SV2A: variants seen among roughly 807,000 people sequenced by gnomAD.
The protein encoded by SV2A is synaptic vesicle glycoprotein 2A, also known as solute carrier family 22 member B1.
SV2A carries 25 observed loss-of-function variants against 78.0 expected under a neutral mutation model. That is an observed-to-expected ratio of 0.32 (90% confidence interval 0.23 to 0.45). SV2A has a LOEUF of 0.45. SV2A is among the 20% of genes least tolerant of loss of function. SV2A has a pLI of 1.00. For missense variants in SV2A, 752 were observed against 971.5 expected (o/e 0.77, Z 3.00); for synonymous variants, 355 against 384.7 (o/e 0.92, Z 0.90).
intron 1 of SV2A, among the ~76,000 whole-genome samples, chr1:149,914,420 C>G (rs759717678): frequency 1.1e-4 from 17 of 152,270 alleles, no homozygotes; most frequent in Non-Finnish European, 1.9e-4. Context: ...GGAATTTGCT[C>G]CAAAGTCGCA....
intron 10 of SV2A, 92 bp downstream of exon 10, chr1:149,907,608 T>C: frequency 3.4e-6 from 5 of 1,472,676 alleles, no homozygotes; most frequent in Non-Finnish European, 4.5e-6. Context: ...GATCTCAGCT[T>C]GAGAACCCTA....
chr1:149,911,972 C>T lies in SV2A; in HGVS notation c.631G>A (p.Val211Ile), dbSNP rs1413573420. ...GCTCCCACCATCATGCCCAGGTAGA[C>T]GATGAGGCCTGGAAGGAGGAGGAAA... Reference protein sequence around the residue: ...DSNKGMLGLIVYLGMMVGAFL... With the variant: ...DSNKGMLGLIIYLGMMVGAFL... Residue 211 changes from valine (V) to isoleucine (I), a missense_variant, in exon 3 of 13, where the codon GTC (valine) becomes ATC (isoleucine). Val to Ile is a conservative substitution (Grantham distance 29). This residue lies in a region of SV2A where 291 missense variants were observed against 359.5 expected (regional missense o/e 0.81). Coordinates refer to ENST00000369146, the MANE Select transcript of SV2A (RefSeq NM_014849.5). 1.9e-6 allele frequency: 3 copies of T among 1,613,764 alleles called. No individual in the cohort carries two copies. The highest frequency in any genetic ancestry group is 2.5e-6 in the Non-Finnish European group (3 of 1,179,880).
Position 149,904,931 on chromosome 1 carries a change from T to G in SV2A, c.*83A>C. The G allele has an allele frequency of 6.9e-7, 1 of 1,443,344 alleles. No individual in the cohort carries two copies. The highest frequency in any genetic ancestry group is 9.3e-7 in the Non-Finnish European group (1 of 1,072,356). 89.4% of individuals were successfully genotyped at this position (1,443,344 alleles called of 1,614,324 possible). A position where few individuals can be genotyped will look rare whatever the true frequency, so the allele number is the denominator to read the frequency against. On this transcript the variant is annotated 3_prime_UTR_variant, in exon 13 of 13. Transcript: ENST00000369146. Reference sequence around the variant, plus strand: ...GAGTGGGGAGTGAGGGCTCTGGAGGTCAGGATGGCAGGGCAGGGAGGGGAA... The same window carrying G: ...GAGTGGGGAGTGAGGGCTCTGGAGGGCAGGATGGCAGGGCAGGGAGGGGAA...
In SV2A at chr1:149,905,060, G is replaced by A; in HGVS notation, c.2183C>T (p.Ser728Phe). ...FASAALALGS[S>F]LALKLPETRG... ...GGTCTCAGGCAGCTTCAGGGCCAGA[G>A]AGCTGCCAAGGGCAAGGGCAGCTGA... Residue 728 changes from serine to phenylalanine, a missense_variant, in exon 13 of 13, where the codon TCT becomes TTT. Ser to Phe is a radical substitution (Grantham distance 155). Transcript: ENST00000369146. 6.2e-7 allele frequency: 1 copy of A among 1,613,350 alleles called. No homozygotes were observed. The highest frequency in any genetic ancestry group is 8.5e-7 in the Non-Finnish European group (1 of 1,179,734).
chr1:149,905,210 C>T lies in SV2A; in HGVS notation c.2046-13G>A, dbSNP rs782318340. 7.5e-6 allele frequency: 12 copies of T among 1,600,684 alleles called. No individual in the cohort carries two copies. The Middle Eastern group carries it at 5.0e-4, about 66-fold the overall frequency. On this transcript the variant is annotated splice_polypyrimidine_tract_variant and intron_variant, in intron 12 of 12. Transcript: ENST00000369146. ...AAAAGCTGTGGTCCTGCTCAGGAGTCCCCCAGTGCAGCACGGCGCAAGGTA... is the reference window on the plus strand; with the variant it reads ...AAAAGCTGTGGTCCTGCTCAGGAGTTCCCCAGTGCAGCACGGCGCAAGGTA...
At position 149,904,311 on chromosome 1, in the gene SV2A, A is replaced by G. The variant is rs1553762330; in HGVS notation, c.*703T>C. 2.6e-5 allele frequency: 4 copies of G among 152,882 alleles called. No individual in the cohort carries two copies. Among genetic ancestry groups the G allele is most frequent in the Non-Finnish European group, 4.4e-5 (3 of 68,218 alleles). 9.5% of individuals were successfully genotyped at this position (152,882 alleles called of 1,614,324 possible). A position where few individuals can be genotyped will look rare whatever the true frequency, so the allele number is the denominator to read the frequency against. ...CCCTTGGCTTATATTTGAGGACAGT[A>G]TAGTGATACCCCCCGCCCCATGGCA... On this transcript the variant is annotated 3_prime_UTR_variant, in exon 13 of 13. Coordinates refer to ENST00000369146, the MANE Select transcript of SV2A (RefSeq NM_014849.5).
In SV2A at chr1:149,909,506, G is replaced by A; in HGVS notation, c.1245C>T (p.Thr415=). ...ELIEIQSDTG[T]WYQRWGVRAL... ...CCCGGACCCCCCAGCGCTGGTACCA[G>A]GTCCCTGTGTCCGACTGGATCTCAA... The change falls in exon 7 of 13, where the codon ACC becomes ACT. Residue 415 remains threonine (T), a synonymous_variant. Transcript: ENST00000369146. The A allele has an allele frequency of 1.9e-6, 3 of 1,613,958 alleles. No individual in the cohort carries two copies. Among genetic ancestry groups the A allele is most frequent in the Non-Finnish European group, 2.5e-6 (3 of 1,179,974 alleles).
chr1:149,913,553 C>G lies in SV2A; in HGVS notation c.288G>C (p.Gly96=). 6.2e-7 allele frequency: 1 copy of G among 1,613,954 alleles called. No individual in the cohort carries two copies. The highest frequency in any genetic ancestry group is 8.5e-7 in the Non-Finnish European group (1 of 1,179,980). ...GHDEDDEIYE[G]EYQGIPRAES... is the part of the protein sequence containing the mutation. ...CTGCCCGGGGAATGCCCTGATATTC[C>G]CCTTCATAGATCTCATCATCCTCGT... Residue 96 remains glycine (G), a synonymous_variant, in exon 2 of 13, where the codon GGG becomes GGC. Transcript: ENST00000369146.
rs1157158108 is a variant in SV2A, at chr1:149,905,420, G to C, written c.2046-223C>G. 6.4e-6 allele frequency: 3 copies of C among 468,640 alleles called. No individual in the cohort carries two copies. In the East Asian group the frequency reaches 1.0e-4, roughly 16 times the overall value. 29.0% of individuals were successfully genotyped at this position (468,640 alleles called of 1,614,324 possible). ...AATTGAGGTTAACAGTTAAGACTTT[G>C]AGGAGTAGATACAAAAGCTACCAGA... On this transcript the variant is annotated intron_variant, in intron 12 of 12. Coordinates refer to ENST00000369146, the MANE Select transcript of SV2A (RefSeq NM_014849.5).
At chr1:149,911,011 A>G (rs782435547) in intron 3 of SV2A, 34 bp from the exon 4 acceptor site, 1 of 1,603,738 alleles carries the variant, frequency 6.2e-7, no homozygotes, top group South Asian at 1.1e-5. Context: ...GCATTAGCAA[A>G]TGGCCATAGT....
In SV2A at chr1:149,908,987, G is replaced by GAATAGAAACTGAATCCT. The variant is rs1553763231; in HGVS notation, c.1379+188_1379+204dup. Among the ~76,000 whole-genome samples, 3 of 152,274 alleles carry GAATAGAAACTGAATCCT rather than the reference G, an allele frequency of 2.0e-5. No homozygotes were observed. In the South Asian group the frequency reaches 6.2e-4, roughly 32 times the overall value. On this transcript the variant is annotated intron_variant, in intron 8 of 12. Transcript: ENST00000369146. ...ACCACATCTGTTTCATCCCAGCACA[G>GAATAGAAACTGAATCCT]AATAGAAACTGAATCCTGGTCAGCC...
chr1:149,911,029 C>T, intron 3 of SV2A, 52 bp from the exon 4 acceptor site: 3 of 1,580,770 alleles, frequency 1.9e-6, no homozygotes, highest in Non-Finnish European at 2.6e-6. Flanking sequence ...AGTCCTGATC[C>T]CCTGCCCCAC....
chr1:149,913,902 C>A lies in SV2A; in HGVS notation c.-62G>T. ...CTCCTGCTTCTTTTTCAGCTTTTTGCTCAAGGACTTGTAGAGTCAAAAAGA... is the reference window on the plus strand; with the variant it reads ...CTCCTGCTTCTTTTTCAGCTTTTTGATCAAGGACTTGTAGAGTCAAAAAGA... On this transcript the variant is annotated 5_prime_UTR_variant, in exon 2 of 13. Coordinates refer to ENST00000369146, the MANE Select transcript of SV2A (RefSeq NM_014849.5). 1 of 1,535,068 alleles carries A rather than the reference C, an allele frequency of 6.5e-7. No individual in the cohort carries two copies. Among genetic ancestry groups the A allele is most frequent in the South Asian group, 1.3e-5 (1 of 78,064 alleles).
chr1:149,915,324 A>G (rs2092505989), intron 1 of SV2A, among the ~76,000 whole-genome samples: 1 of 152,166 alleles, frequency 6.6e-6, no homozygotes, highest in Non-Finnish European at 1.5e-5. Flanking sequence ...CATCCTTGCA[A>G]ACAGAGTCCC....
In SV2A at chr1:149,910,035, T is replaced by C; in HGVS notation, c.1090-145A>G. The C allele has an allele frequency of 1.4e-6, 1 of 727,030 alleles. No homozygotes were observed. Among genetic ancestry groups the C allele is most frequent in the Non-Finnish European group, 2.4e-6 (1 of 420,524 alleles). The allele number at this position is 727,030 out of a possible 1,614,324, so 45.0% of individuals were successfully genotyped here. A position where few individuals can be genotyped will look rare whatever the true frequency, so the allele number is the denominator to read the frequency against. ...AACCCCACCACCAAGCCCTGACCTATGGGCATGCACTCACCACTCTGAAAG... is the reference window on the plus strand; with the variant it reads ...AACCCCACCACCAAGCCCTGACCTACGGGCATGCACTCACCACTCTGAAAG... On this transcript the variant is annotated intron_variant, in intron 5 of 12. Transcript: ENST00000369146. The surrounding 1 kb of genome is among the most constrained non-coding windows in gnomAD (Gnocchi z 4.2).
chr1:149,906,556 A>T, intron 11 of SV2A, 94 bp downstream of exon 11: 1 of 1,345,742 alleles, frequency 7.4e-7, no homozygotes, highest in Non-Finnish European at 1.0e-6. Context: ...CTCTCTGACC[A>T]ATCTCTTCCA....
intron 8 of SV2A, among the ~76,000 whole-genome samples, chr1:149,908,685 T>G (rs980817092): frequency 1.1e-4 from 16 of 152,294 alleles, no homozygotes; most frequent in African/African-American, 3.6e-4. Context: ...TCACCCAGGC[T>G]GGAGTGCAGT....
Position 149,905,839 on chromosome 1 carries a change from C to A in SV2A, c.2045+41G>T, listed in dbSNP as rs754776685. On this transcript the variant is annotated intron_variant, in intron 12 of 12. Coordinates refer to ENST00000369146, the MANE Select transcript of SV2A (RefSeq NM_014849.5). ...AGCCCTCCTTCCTCACCCCACCCCTCCCCTGAATCCACTGCCCTGCCTCCA... is the reference window on the plus strand; with the variant it reads ...AGCCCTCCTTCCTCACCCCACCCCTACCCTGAATCCACTGCCCTGCCTCCA... The A allele has an allele frequency of 1.9e-6, 3 of 1,606,930 alleles. No individual in the cohort carries two copies. In the East Asian group the frequency reaches 6.7e-5, roughly 36 times the overall value.
chr1:149,912,320 C>T lies in SV2A; in HGVS notation c.623-340G>A, dbSNP rs77007230. 9.4e-3 allele frequency among the ~76,000 whole-genome samples: 1,435 copies of T among 152,152 alleles called. 26 individuals carry two copies. The highest frequency in any genetic ancestry group is 0.033 in the African/African-American group (1,370 of 41,500). ...GGGTGTGCCTAGGATCACAGACCAC[C>T]CCAGGGTCCTCTCTATTCTCCCTGC... On this transcript the variant is annotated intron_variant, in intron 2 of 12. Transcript: ENST00000369146.
Sources: gnomAD v4.1 joint callset for allele counts (sites outside exome capture counted in the v4.1 genomes callset) on GRCh38, gnomAD v4.1.1 for gene constraint, gnomAD v4.1.1 regional missense constraint, Gnocchi (gnomAD v3.1) non-coding constraint, MANE v1.5 for transcripts, NCBI Gene and HGNC (gene_info 2026-07-23, HGNC 2026-07-21) for gene names.